CADPS: variants seen among roughly 807,000 people sequenced by gnomAD.
The protein encoded by CADPS is calcium-dependent secretion activator 1.
In CADPS, 57 loss-of-function variants were observed where a neutral mutation model predicts 167.3. The observed-to-expected ratio is 0.34, with a 90% CI of 0.28 to 0.42. The LOEUF (loss-of-function observed/expected upper bound fraction) is 0.42. Ranked by LOEUF, CADPS falls within the 20% of genes least tolerant of loss-of-function variation. The pLI, the probability that CADPS is intolerant of heterozygous loss-of-function variation, is 1.00. For missense variants in CADPS, 1,414 were observed against 1,738.1 expected, an observed-to-expected ratio of 0.81 and a Z score of 3.32; for synonymous variants, 676 against 635.3, an observed-to-expected ratio of 1.06 and a Z score of -0.96.
chr3:62,570,441 C>T (rs1470446230), intron 9 of CADPS, among the ~76,000 whole-genome samples: 3 of 152,126 alleles, frequency 2.0e-5, no homozygotes, highest in Non-Finnish European at 2.9e-5. Context: ...TAATGCCTAT[C>T]TCAGTTCTTT....
intron 5 of CADPS, 133 bp downstream of exon 5, chr3:62,650,714 T>G: frequency 1.5e-6 from 1 of 647,870 alleles, no homozygotes; most frequent in Non-Finnish European, 2.7e-6. Context: ...TTAGCTGACC[T>G]AAGCTTAGCA....
chr3:62,772,110 T>C (rs578156042), intron 1 of CADPS, among the ~76,000 whole-genome samples: 1 of 152,142 alleles, frequency 6.6e-6, no homozygotes, highest in African/African-American at 2.4e-5. Context: ...TGTAATAATA[T>C]ATAGCATAGT....
intron 4 of CADPS, among the ~76,000 whole-genome samples, chr3:62,653,687 A>T (rs1391993206): frequency 3.9e-5 from 6 of 152,180 alleles, no homozygotes; most frequent in Non-Finnish European, 8.8e-5. Context: ...TAGATCAATG[A>T]CTTGTCAAAA....
chr3:62,453,156 T>C (rs924176741), intron 26 of CADPS, among the ~76,000 whole-genome samples: 23 of 151,840 alleles, frequency 1.5e-4, no homozygotes, highest in African/African-American at 4.8e-4. Flanking sequence ...TAATAAACAA[T>C]ATAATAATAG....
At position 62,709,520 on chromosome 3, in the gene CADPS, C is replaced by T. The variant is rs934320430; in HGVS notation, c.888+43921G>A. On this transcript the variant is annotated intron_variant, in intron 3 of 29. Coordinates refer to ENST00000383710, the MANE Select transcript of CADPS (RefSeq NM_003716.4). ...TTATCATTCACTTAGATACTGTATA[C>T]AAAGCACTTGGCCCAGCAACTCCTA... is the stretch of plus-strand genomic sequence containing the variant. Among the ~76,000 whole-genome samples the T allele has an allele frequency of 3.9e-5, 6 of 152,108 alleles. No individual in the cohort carries two copies. The East Asian group carries it at 1.2e-3, about 29-fold the overall frequency.
At position 62,731,805 on chromosome 3, in the gene CADPS, C is replaced by CAA. The variant is rs1212456893; in HGVS notation, c.888+21634_888+21635dup. 5.6e-3 allele frequency among the ~76,000 whole-genome samples: 152 copies of CAA among 27,124 alleles called. 4 individuals are homozygous for CAA. Among genetic ancestry groups the CAA allele is most frequent in the Non-Finnish European group, 6.4e-3 (100 of 15,706 alleles). The allele number at this position is 27,124 out of a possible 152,430, so 17.8% of individuals were successfully genotyped here. On this transcript the variant is annotated intron_variant, in intron 3 of 29. Coordinates refer to ENST00000383710, the MANE Select transcript of CADPS (RefSeq NM_003716.4). ...CCTGGTGAAAGAAACTGATCATATGCAAAAAAAAAAAAAAAAAAAAAAAAA... is the reference window on the plus strand; with the variant it reads ...CCTGGTGAAAGAAACTGATCATATGCAAAAAAAAAAAAAAAAAAAAAAAAAAA...
intron 8 of CADPS, among the ~76,000 whole-genome samples, chr3:62,576,813 A>AAAAAAAG (rs1562375615): frequency 6.7e-6 from 1 of 149,290 alleles, no homozygotes; most frequent in African/African-American, 2.5e-5. Flanking sequence ...AAAAAAAAAA[A>AAAAAAAG]AAAAGCAGTC....
At chr3:62,475,600 A>AAC (rs1553787312) in intron 23 of CADPS, among the ~76,000 whole-genome samples, 9 of 150,372 alleles carry the variant, frequency 6.0e-5, no homozygotes, top group Non-Finnish European at 1.3e-4. Context: ...AAAAAAAAAA[A>AAC]AAAAAAAAAA....
intron 1 of CADPS, among the ~76,000 whole-genome samples, chr3:62,862,217 G>GTTTTTT (rs34987223): frequency 7.6e-6 from 1 of 131,836 alleles, no homozygotes; most frequent in Non-Finnish European, 1.6e-5. Context: ...GAAAACAGTG[G>GTTTTTT]TTTTTTTTTT....
chr3:62,656,207 C>T (rs1044403790), intron 4 of CADPS, among the ~76,000 whole-genome samples: 1 of 152,262 alleles, frequency 6.6e-6, no homozygotes, highest in East Asian at 1.9e-4. Flanking sequence ...AAGCACTATG[C>T]TCCTACCACC....
intron 13 of CADPS, among the ~76,000 whole-genome samples, chr3:62,527,278 G>C (rs978618116): frequency 6.6e-6 from 1 of 152,152 alleles, no homozygotes; most frequent in African/African-American, 2.4e-5. Flanking sequence ...AGGGTTTCTT[G>C]ACCTTGGCAC....
At chr3:62,673,777 C>A (rs904691244) in intron 3 of CADPS, among the ~76,000 whole-genome samples, 1 of 152,132 alleles carries the variant, frequency 6.6e-6, no homozygotes, top group African/African-American at 2.4e-5. Context: ...TCAAAACAAG[C>A]CAGAGGTGAT....
At chr3:62,584,981 T>C (rs2084276381) in intron 8 of CADPS, among the ~76,000 whole-genome samples, 1 of 152,250 alleles carries the variant, frequency 6.6e-6, no homozygotes, top group Non-Finnish European at 1.5e-5. Flanking sequence ...AGGACATTTT[T>C]CTATTTTGAC....
chr3:62,817,334 C>A (rs1017941166), intron 1 of CADPS, among the ~76,000 whole-genome samples: 2 of 152,136 alleles, frequency 1.3e-5, no homozygotes, highest in African/African-American at 4.8e-5. Flanking sequence ...TTTCAGCACA[C>A]TTTCCTGAGG....
In CADPS at chr3:62,659,725, G is replaced by A. The variant is rs140842480; in HGVS notation, c.969+2589C>T. On this transcript the variant is annotated intron_variant, in intron 4 of 29. Transcript: ENST00000383710. ...AAGTTTCCATTTCTGGACCAATCAC[G>A]TGTGGCCAGGGCAGGCTGGAAACTG... Among the ~76,000 whole-genome samples, 206 of 152,288 alleles carry A rather than the reference G, an allele frequency of 1.4e-3. 1 individual carries two copies. The highest frequency in any genetic ancestry group is 7.0e-3 in the Admixed American group (107 of 15,288).
chr3:62,518,337 TTAGAAGAAACAAC>T, intron 13 of CADPS, 87 bp from the exon 14 acceptor site: 1 of 1,000,656 alleles, frequency 1.0e-6, no homozygotes, highest in Non-Finnish European at 1.5e-6. Flanking sequence ...ACTGTCCATT[TTAGAAGAAACAAC>T]TACAGTGATC....
At chr3:62,400,896 C>A (rs1208401373) in intron 29 of CADPS, among the ~76,000 whole-genome samples, 1 of 152,104 alleles carries the variant, frequency 6.6e-6, no homozygotes, top group Non-Finnish European at 1.5e-5. Context: ...TCGTGCCCGG[C>A]CCATTATTTC....
chr3:62,493,121 G>T (rs983163276), intron 19 of CADPS, among the ~76,000 whole-genome samples: 2 of 152,226 alleles, frequency 1.3e-5, no homozygotes, highest in Non-Finnish European at 2.9e-5. Flanking sequence ...CTTTTCTGGG[G>T]GTTGGACACA....
intron 13 of CADPS, among the ~76,000 whole-genome samples, chr3:62,529,020 G>C (rs1020292154): frequency 6.6e-6 from 1 of 151,988 alleles, no homozygotes; most frequent in Non-Finnish European, 1.5e-5. Context: ...AATTAGCGGG[G>C]CGTGGTGGCA....
Sources: allele counts gnomAD v4.1 joint callset (sites outside exome capture counted in the v4.1 genomes callset), GRCh38; gene constraint gnomAD v4.1.1; transcripts MANE v1.5; gene names NCBI Gene and HGNC (gene_info 2026-07-23, HGNC 2026-07-21).